NLK: variants seen among roughly 807,000 people sequenced by gnomAD.
NLK encodes the protein nemo like kinase, also known as serine/threonine-protein kinase NLK.
Under a neutral mutation model 59.0 loss-of-function variants are expected in NLK, and 11 were observed. The observed-to-expected ratio is 0.19, with a 90% CI of 0.12 to 0.31. The LOEUF is 0.31. Among genes scored for constraint, NLK ranks in the 10% least tolerant of loss-of-function variants. NLK has a pLI of 1.00. For synonymous variants in NLK, 235 were observed against 235.9 expected, an observed-to-expected ratio of 1.00 and a Z score of 0.03; for missense variants, 410 against 661.1, an observed-to-expected ratio of 0.62 and a Z score of 4.16.
chr17:28,079,337 T>A (rs982827426), intron 1 of NLK, among the ~76,000 whole-genome samples: 1 of 152,232 alleles, frequency 6.6e-6, no homozygotes, highest in Non-Finnish European at 1.5e-5. Context: ...TATGCAAATA[T>A]CTCTTTGAGA....
chr17:28,179,747 C>T (rs1027864804), intron 7 of NLK, among the ~76,000 whole-genome samples: 1 of 151,764 alleles, frequency 6.6e-6, no homozygotes, highest in Non-Finnish European at 1.5e-5. Context: ...GACAGGATCT[C>T]TCTAAGTTGC....
chr17:28,106,612 T>C (rs1005805916), intron 1 of NLK, among the ~76,000 whole-genome samples: 1 of 152,238 alleles, frequency 6.6e-6, no homozygotes, highest in Non-Finnish European at 1.5e-5. Context: ...CTGAGCACTT[T>C]GTTTTAAATG....
At chr17:28,062,041 A>G (rs2142747750) in intron 1 of NLK, 1 of 151,202 alleles carries the variant, frequency 6.6e-6, no homozygotes, top group East Asian at 1.9e-4. Context: ...CTGGGGTTCC[A>G]GACCTGGAGG....
At chr17:28,181,147 C>T (rs747281128) in intron 7 of NLK, among the ~76,000 whole-genome samples, 4 of 151,892 alleles carry the variant, frequency 2.6e-5, no homozygotes, top group Non-Finnish European at 5.9e-5. Flanking sequence ...ACCTGTAATC[C>T]CAGCACTTGG....
chr17:28,154,127 G>A (rs1185345389), intron 3 of NLK, among the ~76,000 whole-genome samples: 2 of 152,248 alleles, frequency 1.3e-5, no homozygotes, highest in East Asian at 3.9e-4. Flanking sequence ...GTCTAGAAAA[G>A]GCAGAAATCT....
At chr17:28,126,893 C>G (rs1253777385) in intron 2 of NLK, among the ~76,000 whole-genome samples, 1 of 152,138 alleles carries the variant, frequency 6.6e-6, no homozygotes, top group Non-Finnish European at 1.5e-5. Context: ...TATATACATG[C>G]ATAGTTGTCA....
chr17:28,056,321 G>C (rs1453728380), intron 1 of NLK, among the ~76,000 whole-genome samples: 1 of 152,178 alleles, frequency 6.6e-6, no homozygotes, highest in Non-Finnish European at 1.5e-5. Context: ...GTCTAGTCTA[G>C]CTGCCTCATT....
At chr17:28,052,815 TGGTCTAACCACATTTTAA>T (rs1268495277) in intron 1 of NLK, among the ~76,000 whole-genome samples, 2 of 152,102 alleles carry the variant, frequency 1.3e-5, no homozygotes, top group African/African-American at 4.8e-5. Flanking sequence ...TGTCTCAGTT[TGGTCTAACCACATTTTAA>T]GTGTTCTGTA....
At chr17:28,067,691 A>G (rs967073801) in intron 1 of NLK, among the ~76,000 whole-genome samples, 10 of 152,054 alleles carry the variant, frequency 6.6e-5, no homozygotes, top group Admixed American at 4.6e-4. Context: ...TGATGCAACT[A>G]TCCTGTGATG....
chr17:28,102,374 G>C (rs943851251), intron 1 of NLK, among the ~76,000 whole-genome samples: 2 of 152,156 alleles, frequency 1.3e-5, no homozygotes, highest in African/African-American at 2.4e-5. Context: ...TTTTTGGCCA[G>C]GTGCGGTGGC....
intron 1 of NLK, among the ~76,000 whole-genome samples, chr17:28,053,510 T>C (rs541635979): frequency 7.2e-5 from 11 of 152,310 alleles, no homozygotes; most frequent in African/African-American, 2.4e-4. Flanking sequence ...CTCTCCGTAT[T>C]GTGGTTTTGT....
chr17:28,135,209 G>A (rs959765195), intron 3 of NLK, among the ~76,000 whole-genome samples: 2 of 152,186 alleles, frequency 1.3e-5, no homozygotes, highest in African/African-American at 2.4e-5. Context: ...TATGAATTTT[G>A]CTATATTTTA....
intron 8 of NLK, among the ~76,000 whole-genome samples, chr17:28,190,506 C>G (rs1431461448): frequency 6.6e-6 from 1 of 152,036 alleles, no homozygotes; most frequent in Non-Finnish European, 1.5e-5. Flanking sequence ...TGAGCTATAT[C>G]TCAAAATATG....
chr17:28,128,174 G>A (rs1235733059), intron 2 of NLK, among the ~76,000 whole-genome samples: 4 of 151,968 alleles, frequency 2.6e-5, no homozygotes, highest in Non-Finnish European at 5.9e-5. Context: ...TAAAACATAG[G>A]CAAGTATCTT....
intron 1 of NLK, among the ~76,000 whole-genome samples, chr17:28,071,435 T>C (rs1474643833): frequency 1.6e-5 from 2 of 126,106 alleles, no homozygotes; most frequent in Non-Finnish European, 3.2e-5. Flanking sequence ...AGCTCTCCAC[T>C]TTTTTTTTTT....
At chr17:28,149,761 C>T (rs1355789843) in intron 3 of NLK, among the ~76,000 whole-genome samples, 1 of 152,114 alleles carries the variant, frequency 6.6e-6, no homozygotes, top group East Asian at 1.9e-4. Flanking sequence ...CCTTGTTAGG[C>T]TGTTGAGTTT....
intron 8 of NLK, among the ~76,000 whole-genome samples, chr17:28,188,534 G>A (rs533700365): frequency 1.3e-5 from 2 of 152,326 alleles, no homozygotes; most frequent in Non-Finnish European, 2.9e-5. Context: ...CTGGAATGCA[G>A]TGGCACGATC....
chr17:28,089,446 G>A (rs1311849006), intron 1 of NLK, among the ~76,000 whole-genome samples: 2 of 151,398 alleles, frequency 1.3e-5, no homozygotes, highest in African/African-American at 2.4e-5. Flanking sequence ...CTATTGTAGA[G>A]ATATACTATA....
intron 1 of NLK, among the ~76,000 whole-genome samples, chr17:28,106,721 A>G (rs1290035723): frequency 6.6e-6 from 1 of 152,224 alleles, no homozygotes; most frequent in Non-Finnish European, 1.5e-5. Context: ...GGAAATGAAT[A>G]AGAAAACAAC....
Sources: gnomAD v4.1 joint callset for allele counts (sites outside exome capture counted in the v4.1 genomes callset) on GRCh38, gnomAD v4.1.1 for gene constraint, MANE v1.5 for transcripts, NCBI Gene and HGNC (gene_info 2026-07-23, HGNC 2026-07-21) for gene names.